The following MACF1 variants were observed in gnomAD, a reference collection of about 807,000 sequenced individuals.
The protein encoded by MACF1 is microtubule actin crosslinking factor 1.
A neutral mutation model predicts 854.8 loss-of-function variants in MACF1; 193 were observed. The ratio of observed to expected loss-of-function variants is 0.23; its 90% confidence interval spans 0.20 to 0.25. The LOEUF (loss-of-function observed/expected upper bound fraction) is 0.25. MACF1 is among the 10% of genes least tolerant of loss of function. MACF1 has a pLI of 1.00. For synonymous variants in MACF1, 3,185 were observed against 3,226.7 expected (o/e 0.99, Z 0.44); for missense variants, 7,722 against 8,929.1 (o/e 0.86, Z 5.45).
At position 39,311,695 on chromosome 1, in the gene MACF1, G is replaced by A. The variant is rs189467913; in HGVS notation, c.3270+695G>A. On this transcript the variant is annotated intron_variant, in intron 26 of 100. Transcript: ENST00000564288. ...TGTAGTGAAAGGAAAATAAAAAGTC[G>A]AAGTTACAATTGGAGACTTCAGTAT... is the stretch of plus-strand genomic sequence containing the variant. Among the ~76,000 whole-genome samples the A allele has an allele frequency of 2.0e-5, 3 of 152,166 alleles. 1 individual carries two copies. The highest frequency in any genetic ancestry group is 4.8e-5 in the African/African-American group (2 of 41,440).
At position 39,380,383 on chromosome 1, in the gene MACF1, C is replaced by T. The variant is rs748465696; in HGVS notation, c.13648+10C>T. ...ATTCAGGAAGAACTCAGTAAGTTTT[C>T]ACAAGAGTGTTACAAATTTGCTAAG... On this transcript the variant is annotated intron_variant, in intron 55 of 100. Coordinates refer to ENST00000564288, the MANE Select transcript of MACF1 (RefSeq NM_001394062.1). 1.2e-6 allele frequency: 2 copies of T among 1,609,596 alleles called. No homozygotes were observed. The highest frequency in any genetic ancestry group is 1.7e-6 in the Non-Finnish European group (2 of 1,178,388).
At chr1:39,459,317 AG>A in intron 91 of MACF1, 68 bp downstream of exon 91, 1 of 1,490,736 alleles carries the variant, frequency 6.7e-7, no homozygotes, top group Non-Finnish European at 9.1e-7. Flanking sequence ...AGCCCTTCTG[AG>A]GCTCTCTTAA....
At chr1:39,169,319 G>T (rs1389422839) in intron 2 of MACF1, among the ~76,000 whole-genome samples, 1 of 152,178 alleles carries the variant, frequency 6.6e-6, no homozygotes, top group Non-Finnish European at 1.5e-5. Flanking sequence ...TTTATGGCTG[G>T]ACCTGGTGGC....
At chr1:39,282,454 TCTC>T in intron 7 of MACF1, 80 bp downstream of exon 7, 1 of 1,351,684 alleles carries the variant, frequency 7.4e-7, no homozygotes, top group Non-Finnish European at 9.9e-7. Flanking sequence ...ACTGTTTCCA[TCTC>T]CTCAATCAAA....
chr1:39,235,241 C>T (rs1011822323), intron 2 of MACF1, among the ~76,000 whole-genome samples: 10 of 152,380 alleles, frequency 6.6e-5, no homozygotes, highest in South Asian at 4.1e-4. Context: ...AACGAGACTC[C>T]GTCTGCAATC....
chr1:39,349,709 T>C, intron 42 of MACF1, 82 bp downstream of exon 42: 1 of 1,430,410 alleles, frequency 7.0e-7, no homozygotes, highest in African/African-American at 1.4e-5. Context: ...CTTGGCTCAC[T>C]GCAGCTTCGA....
intron 26 of MACF1, among the ~76,000 whole-genome samples, chr1:39,312,691 G>A: frequency 6.6e-6 from 1 of 152,078 alleles, no homozygotes. Context: ...CAGGTGTGGT[G>A]GCAGGTGCCT....
chr1:39,171,515 A>C (rs924163847), intron 2 of MACF1, among the ~76,000 whole-genome samples: 1 of 152,094 alleles, frequency 6.6e-6, no homozygotes, highest in Non-Finnish European at 1.5e-5. Context: ...ATTTTATATA[A>C]ATTTAGTCAT....
chr1:39,453,704 T>G lies in MACF1; in HGVS notation c.20743-3T>G. On this transcript the variant is annotated splice_polypyrimidine_tract_variant and splice_region_variant and intron_variant, in intron 87 of 100. Transcript: ENST00000564288. ...TTTTTGTTTTCAAATCTTTTTTGTTTAGGAATTCATGAAGAAAGTAGAAGA... is the reference window on the plus strand; with the variant it reads ...TTTTTGTTTTCAAATCTTTTTTGTTGAGGAATTCATGAAGAAAGTAGAAGA... The G allele has an allele frequency of 1.2e-6, 2 of 1,613,904 alleles. No homozygotes were observed. The highest frequency in any genetic ancestry group is 2.7e-5 in the African/African-American group (2 of 75,052).
intron 2 of MACF1, among the ~76,000 whole-genome samples, chr1:39,085,949 C>T (rs260969): frequency 0.27 from 40,990 of 152,016 alleles, 6,571 homozygotes; most frequent in South Asian, 0.61. Flanking sequence ...TTTTAAGTGC[C>T]GCCTCCTCTG....
In MACF1 at chr1:39,377,797, A is replaced by C. The variant is rs543068952; in HGVS notation, c.13214-664A>C. ...GGCAGGCAGATCACCTGAGGTCGGG[A>C]GTTTGAGACCAGCCTGACCAACATA... On this transcript the variant is annotated intron_variant, in intron 52 of 100. Transcript: ENST00000564288. Among the ~76,000 whole-genome samples the C allele has an allele frequency of 2.0e-5, 3 of 152,270 alleles. No individual in the cohort carries two copies. In the East Asian group the frequency reaches 5.8e-4, roughly 29 times the overall value.
chr1:39,459,348 T>C (rs2124037262), intron 91 of MACF1, 99 bp downstream of exon 91: 1 of 1,308,660 alleles, frequency 7.6e-7, no homozygotes, highest in South Asian at 1.5e-5. Flanking sequence ...TGTGTCTTAA[T>C]TTACTTTTTC....
At chr1:39,136,174 C>T (rs921056643) in intron 2 of MACF1, among the ~76,000 whole-genome samples, 17 of 152,302 alleles carry the variant, frequency 1.1e-4, no homozygotes, top group Admixed American at 4.6e-4. Context: ...GCATTGGAAA[C>T]GGGTCCAGGA....
Position 39,365,176 on chromosome 1 carries a change from A to C in MACF1, c.12772-2972A>C, listed in dbSNP as rs141949672. On this transcript the variant is annotated intron_variant, in intron 49 of 100. Transcript: ENST00000564288. ...ACTGCAAGCTCTGCCTTCTGGGTCC[A>C]TGCCATTCTCTGCCTCAACCTCCCA... Among the ~76,000 whole-genome samples the C allele has an allele frequency of 1.9e-3, 283 of 152,204 alleles. 2 individuals carry two copies. Among genetic ancestry groups the C allele is most frequent in the African/African-American group, 6.2e-3 (259 of 41,518 alleles).
intron 58 of MACF1, among the ~76,000 whole-genome samples, chr1:39,421,633 A>G (rs1643540397): frequency 6.6e-6 from 1 of 152,230 alleles, no homozygotes; most frequent in Non-Finnish European, 1.5e-5. Context: ...TGGTCAGTTA[A>G]GGCTATTCCC....
At chr1:39,121,851 A>G (rs963106852) in intron 2 of MACF1, among the ~76,000 whole-genome samples, 1 of 152,210 alleles carries the variant, frequency 6.6e-6, no homozygotes, top group African/African-American at 2.4e-5. Flanking sequence ...ATCACTTCCC[A>G]GAGGGTCACA....
chr1:39,429,575 T>C (rs1479699835), intron 64 of MACF1, among the ~76,000 whole-genome samples: 1 of 152,188 alleles, frequency 6.6e-6, no homozygotes, highest in Admixed American at 6.6e-5. Context: ...CAACATGCAC[T>C]GAAAGGTGCT....
chr1:39,381,206 C>T lies in MACF1; in HGVS notation c.13649-747C>T, dbSNP rs546289217. Among the ~76,000 whole-genome samples the T allele has an allele frequency of 6.6e-5, 10 of 151,812 alleles. No homozygotes were observed. The East Asian group carries it at 7.7e-4, about 12-fold the overall frequency. ...CCGAGTAGCTGGCATTGCAGGCATG[C>T]GCCACCATGCCCGGCTAATTTTGTA... On this transcript the variant is annotated intron_variant, in intron 55 of 100. Coordinates refer to ENST00000564288, the MANE Select transcript of MACF1 (RefSeq NM_001394062.1).
chr1:39,140,956 G>C (rs2148184634), intron 2 of MACF1, among the ~76,000 whole-genome samples: 1 of 137,492 alleles, frequency 7.3e-6, no homozygotes, highest in East Asian at 2.2e-4. Flanking sequence ...GCCAGTCACT[G>C]TTATAAATGC....
Sources: allele counts gnomAD v4.1 joint callset (sites outside exome capture counted in the v4.1 genomes callset), GRCh38; gene constraint gnomAD v4.1.1; transcripts MANE v1.5; gene names NCBI Gene and HGNC (gene_info 2026-07-23, HGNC 2026-07-21).